PLVAP: variants seen among roughly 807,000 people sequenced by gnomAD.
The protein encoded by PLVAP is plasmalemma vesicle associated protein, also known as plasmalemma vesicle-associated protein.
Under a neutral mutation model 43.1 loss-of-function variants are expected in PLVAP, and 34 were observed. The observed-to-expected ratio is 0.79, with a 90% CI of 0.60 to 1.05. The LOEUF (loss-of-function observed/expected upper bound fraction) is 1.05. PLVAP is among the 50% of genes least tolerant of loss of function. PLVAP has a pLI of 0.00. For synonymous variants in PLVAP, 241 were observed against 237.3 expected, an observed-to-expected ratio of 1.02 and a Z score of -0.14; for missense variants, 574 against 593.4, an observed-to-expected ratio of 0.97 and a Z score of 0.34.
In PLVAP at chr19:17,352,025, C is replaced by T. The variant is rs1182934430; in HGVS notation, c.*337G>A. The T allele has an allele frequency of 2.1e-5, 8 of 373,812 alleles. No homozygotes were observed. Among genetic ancestry groups the T allele is most frequent in the Non-Finnish European group, 3.0e-5 (6 of 200,954 alleles). The allele number at this position is 373,812 out of a possible 1,614,324, so 23.2% of individuals were successfully genotyped here. A position where few individuals can be genotyped will look rare whatever the true frequency, so the allele number is the denominator to read the frequency against. On this transcript the variant is annotated 3_prime_UTR_variant, in exon 6 of 6. Coordinates refer to ENST00000252590, the MANE Select transcript of PLVAP (RefSeq NM_031310.3). ...TGACGTCATGCCAAGTTCCCCATGT[C>T]TGTGTGCGACGTGCTGCATCTGCAC...
In PLVAP at chr19:17,366,156, T is replaced by C. The variant is rs2074549262; in HGVS notation, c.409A>G (p.Ile137Val). ...TCTCTGCATTGCTTCTCACTCAAGA[T>C]GATGGCAGCCATGTACCTCTGATTG... ...TNNQRYMAAI[I>V]LSEKQCRDQF... Residue 137 changes from isoleucine (I) to valine (V), a missense_variant, in exon 2 of 6, where the codon ATC becomes GTC. Physicochemically the swap from Ile to Val is conservative, Grantham distance 29. Coordinates refer to ENST00000252590, the MANE Select transcript of PLVAP (RefSeq NM_031310.3). 1 of 1,614,018 alleles carries C rather than the reference T, an allele frequency of 6.2e-7. No individual in the cohort carries two copies. Among genetic ancestry groups the C allele is most frequent in the South Asian group, 1.1e-5 (1 of 91,084 alleles).
rs141971361 is a variant in PLVAP, at chr19:17,356,142, C to G, written c.1323-3774G>C. ...TGGCTAATGTGGTGAAACCCTGTCT[C>G]TACTAAAAAATACAAAAAATAACCG... On this transcript the variant is annotated intron_variant, in intron 5 of 5. Coordinates refer to ENST00000252590, the MANE Select transcript of PLVAP (RefSeq NM_031310.3). 4.5e-3 allele frequency among the ~76,000 whole-genome samples: 686 copies of G among 152,182 alleles called. 7 individuals carry two copies. Among genetic ancestry groups the G allele is most frequent in the African/African-American group, 0.015 (617 of 41,530 alleles).
Position 17,365,191 on chromosome 19 carries a change from A to G in PLVAP, c.1179+95T>C, listed in dbSNP as rs1399693580. ...CTCACCCAACCTAGACCAGGAAGCCATCCTCAAAGCCAACTCCAAGTTCAA... is the reference window on the plus strand; with the variant it reads ...CTCACCCAACCTAGACCAGGAAGCCGTCCTCAAAGCCAACTCCAAGTTCAA... On this transcript the variant is annotated intron_variant, in intron 3 of 5. Coordinates refer to ENST00000252590, the MANE Select transcript of PLVAP (RefSeq NM_031310.3). 11 of 1,179,424 alleles carry G rather than the reference A, an allele frequency of 9.3e-6. No individual in the cohort carries two copies. The Admixed American group carries it at 2.5e-4, about 27-fold the overall frequency. 73.1% of individuals were successfully genotyped at this position (1,179,424 alleles called of 1,614,324 possible).
chr19:17,355,797 G>C (rs991368345), intron 5 of PLVAP, among the ~76,000 whole-genome samples: 27 of 152,148 alleles, frequency 1.8e-4, no homozygotes, highest in Non-Finnish European at 8.8e-5. Context: ...GCCTCCCAAA[G>C]TTCTGGGATT....
Position 17,374,055 on chromosome 19 carries a change from G to A in PLVAP, c.369+2865C>T, listed in dbSNP as rs1219368172. ...GGCGCACCTGCAATCCCAGCTACTCGGGAGGCTGAGGCAACAGAATCGCTT... is the reference window on the plus strand; with the variant it reads ...GGCGCACCTGCAATCCCAGCTACTCAGGAGGCTGAGGCAACAGAATCGCTT... On this transcript the variant is annotated intron_variant, in intron 1 of 5. Coordinates refer to ENST00000252590, the MANE Select transcript of PLVAP (RefSeq NM_031310.3). Among the ~76,000 whole-genome samples, 16 of 152,074 alleles carry A rather than the reference G, an allele frequency of 1.1e-4. No homozygotes were observed. In the East Asian group the frequency reaches 1.3e-3, roughly 13 times the overall value.
chr19:17,362,597 A>G (rs2074532827), intron 3 of PLVAP: 1 of 152,274 alleles, frequency 6.6e-6, no homozygotes, highest in Non-Finnish European at 1.5e-5. Context: ...AAGCATCTCT[A>G]TACCGACCAG....
At chr19:17,354,174 C>T (rs2074496928) in intron 5 of PLVAP, among the ~76,000 whole-genome samples, 2 of 152,246 alleles carry the variant, frequency 1.3e-5, no homozygotes, top group East Asian at 1.9e-4. Flanking sequence ...TCTGTAATCC[C>T]AGCTACTTGG....
At chr19:17,362,544 C>T (rs1311580469) in intron 3 of PLVAP, 3 of 152,400 alleles carry the variant, frequency 2.0e-5, no homozygotes, top group South Asian at 4.1e-4. Context: ...ATCCCTATGT[C>T]AATGCCAGTG....
intron 1 of PLVAP, among the ~76,000 whole-genome samples, chr19:17,374,629 T>C (rs1224143689): frequency 6.6e-6 from 1 of 151,976 alleles, no homozygotes; most frequent in Non-Finnish European, 1.5e-5. Flanking sequence ...CATCCTTTTT[T>C]TGTTTTTTTT....
At chr19:17,364,989 T>A (rs1431154028) in intron 3 of PLVAP, among the ~76,000 whole-genome samples, 1 of 151,880 alleles carries the variant, frequency 6.6e-6, no homozygotes, top group Non-Finnish European at 1.5e-5. Flanking sequence ...GCCAGGCTGG[T>A]TTCGAACTCC....
chr19:17,362,706 CT>C (rs796281770), intron 3 of PLVAP: 18 of 152,306 alleles, frequency 1.2e-4, no homozygotes, highest in African/African-American at 4.3e-4. Context: ...ACCTCACCCC[CT>C]ACAAGCATCC....
rs543349733 is a variant in PLVAP, at chr19:17,360,035, C to G, written c.1322+493G>C. On this transcript the variant is annotated intron_variant, in intron 5 of 5. Transcript: ENST00000252590. ...TTCCCTGAGGCCAGCTCCTCATGCT[C>G]CAGCTCTTCCTCACCAAGGCTCTCT... Among the ~76,000 whole-genome samples, 5 of 152,256 alleles carry G rather than the reference C, an allele frequency of 3.3e-5. No homozygotes were observed. The South Asian group carries it at 1.0e-3, about 32-fold the overall frequency.
chr19:17,362,920 T>C (rs1310991695), intron 3 of PLVAP, among the ~76,000 whole-genome samples: 3 of 151,990 alleles, frequency 2.0e-5, no homozygotes, highest in Non-Finnish European at 4.4e-5. Flanking sequence ...CACCCCAGTA[T>C]CACTCCCAAC....
At chr19:17,358,227 C>T (rs1391121811) in intron 5 of PLVAP, among the ~76,000 whole-genome samples, 3 of 142,758 alleles carry the variant, frequency 2.1e-5, no homozygotes, top group African/African-American at 5.4e-5. Flanking sequence ...GACAGCTTGG[C>T]GAGGGAGTGA....
At chr19:17,356,758 G>A (rs557701422) in intron 5 of PLVAP, among the ~76,000 whole-genome samples, 107 of 152,050 alleles carry the variant, frequency 7.0e-4, no homozygotes, top group African/African-American at 2.5e-3. Flanking sequence ...TCGGGAGTTC[G>A]AGACCAGCCT....
At chr19:17,354,625 G>A (rs980627635) in intron 5 of PLVAP, among the ~76,000 whole-genome samples, 25 of 140,562 alleles carry the variant, frequency 1.8e-4, no homozygotes, top group Non-Finnish European at 3.0e-4. Context: ...AGGGCCGGGC[G>A]CTGTGACTCA....
intron 5 of PLVAP, 89 bp from the exon 6 acceptor site, chr19:17,352,457 G>A: frequency 2.8e-6 from 4 of 1,451,596 alleles, no homozygotes; most frequent in Non-Finnish European, 3.8e-6. Context: ...GTCCTCAGCG[G>A]GGACACAACA....
chr19:17,374,101 G>A (rs754210688), intron 1 of PLVAP, among the ~76,000 whole-genome samples: 23 of 152,116 alleles, frequency 1.5e-4, no homozygotes, highest in Admixed American at 5.2e-4. Flanking sequence ...GGCAGTGGTT[G>A]CAGTGAGCCG....
At chr19:17,376,860 C>T in intron 1 of PLVAP, 60 bp downstream of exon 1, 1 of 1,494,958 alleles carries the variant, frequency 6.7e-7, no homozygotes, top group Non-Finnish European at 9.1e-7. Flanking sequence ...AACTCAGGCT[C>T]AGAGAGGTGA....
Sources: allele counts gnomAD v4.1 joint callset (sites outside exome capture counted in the v4.1 genomes callset), GRCh38; gene constraint gnomAD v4.1.1; transcripts MANE v1.5; gene names NCBI Gene and HGNC (gene_info 2026-07-23, HGNC 2026-07-21).